Variants in COLEC10 observed in about 807,000 individuals in gnomAD.
The protein encoded by COLEC10 is collectin subfamily member 10.
COLEC10 carries 22 observed loss-of-function variants against 28.4 expected under a neutral mutation model. The ratio of observed to expected loss-of-function variants is 0.78; its 90% CI spans 0.55 to 1.11. COLEC10 has a LOEUF of 1.11. Ranked by LOEUF, COLEC10 falls within the 50% of genes least tolerant of loss-of-function variation. The probability of loss-of-function intolerance (pLI) is 0.00; values close to 1 mark genes in which losing one functional copy is unlikely to be tolerated. For synonymous variants in COLEC10, 125 were observed against 116.1 expected (o/e 1.08, Z -0.49); for missense variants, 361 against 344.1 (o/e 1.05, Z -0.39).
the COLEC10 span, among the ~76,000 whole-genome samples, chr8:118,969,336 C>G: frequency 6.6e-6 from 1 of 151,958 alleles, no homozygotes; most frequent in Non-Finnish European, 1.5e-5. Flanking sequence ...ATGTGTGATA[C>G]TATTGCAGCA....
At chr8:119,006,635 G>C (rs1813803974) in intron 1 of COLEC10, among the ~76,000 whole-genome samples, 1 of 152,006 alleles carries the variant, frequency 6.6e-6, no homozygotes, top group Non-Finnish European at 1.5e-5. Flanking sequence ...CCTGGGCCCT[G>C]TCTGGATCTT....
At chr8:118,983,906 C>A in the COLEC10 span, among the ~76,000 whole-genome samples, 5 of 152,224 alleles carry the variant, frequency 3.3e-5, no homozygotes, top group East Asian at 9.7e-4. Flanking sequence ...TTAGTTCAGC[C>A]ATTGTGGAAA....
chr8:119,083,786 T>G (rs924741470), intron 1 of COLEC10, among the ~76,000 whole-genome samples: 24 of 152,084 alleles, frequency 1.6e-4, no homozygotes, highest in African/African-American at 5.1e-4. Flanking sequence ...AATTAAATAA[T>G]TTATTAAATT....
intron 3 of COLEC10, among the ~76,000 whole-genome samples, chr8:119,100,440 C>T (rs1815800860): frequency 6.6e-6 from 1 of 152,144 alleles, no homozygotes; most frequent in Non-Finnish European, 1.5e-5. Flanking sequence ...ATGAATATCT[C>T]AAAATCTATT....
upstream of COLEC10, among the ~76,000 whole-genome samples, chr8:119,064,460 T>G (rs1159389306): frequency 1.3e-5 from 2 of 152,200 alleles, no homozygotes. Context: ...CTTAGGGTAG[T>G]CTAAACAATT....
intron 1 of COLEC10, among the ~76,000 whole-genome samples, chr8:119,008,249 TA>T (rs1288276114): frequency 6.6e-6 from 1 of 150,766 alleles, no homozygotes; most frequent in Non-Finnish European, 1.5e-5. Flanking sequence ...TTGTAAGCAG[TA>T]AGTGAAAAGG....
chr8:118,966,504 T>A, the COLEC10 span, among the ~76,000 whole-genome samples: 1 of 152,140 alleles, frequency 6.6e-6, no homozygotes, highest in Non-Finnish European at 1.5e-5. Context: ...TCAGTAACAG[T>A]ATGAACTTGT....
rs35398753 is a variant in COLEC10, at chr8:119,108,037, A to G, written c.*1846A>G. On this transcript the variant is annotated 3_prime_UTR_variant, in exon 6 of 6. Transcript: ENST00000332843. ...AATGTCATTAGGATATGATGACATG[A>G]AAGTCAAGATATCCCATTAATACCA... Among the ~76,000 whole-genome samples, 15,752 of 152,222 alleles carry G rather than the reference A, an allele frequency of 0.1. 978 individuals are homozygous for G. The highest frequency in any genetic ancestry group is 0.19 in the Middle Eastern group (55 of 292).
the COLEC10 span, among the ~76,000 whole-genome samples, chr8:118,955,008 C>G: frequency 5.3e-5 from 8 of 152,116 alleles, no homozygotes; most frequent in Non-Finnish European, 1.0e-4. Flanking sequence ...ACTTCCTCAC[C>G]TGAAAATTGG....
intron 2 of COLEC10, among the ~76,000 whole-genome samples, chr8:119,011,340 G>T (rs1813897384): frequency 6.6e-6 from 1 of 150,784 alleles, no homozygotes; most frequent in Non-Finnish European, 1.5e-5. Flanking sequence ...CGATCTATTT[G>T]TCTATTCTTT....
chr8:119,069,203 C>T (rs530368614), intron 1 of COLEC10, among the ~76,000 whole-genome samples: 19 of 152,062 alleles, frequency 1.2e-4, no homozygotes, highest in South Asian at 4.2e-4. Context: ...CCTAAATGCA[C>T]CTAAAGCAAC....
chr8:119,057,988 T>C (rs1331576353), intron 2 of COLEC10, among the ~76,000 whole-genome samples: 1 of 152,072 alleles, frequency 6.6e-6, no homozygotes, highest in Non-Finnish European at 1.5e-5. Flanking sequence ...GTTGTATCTA[T>C]ATTAATATTT....
rs1815422464 is a variant in COLEC10 at position 119,084,153 on chromosome 8, G to A, written c.149-5527G>A. Reference sequence around the variant, plus strand: ...AAGTAGTATGGGTCTCAGAGTGAGGGAGCCACCCCCAGGATGGGAGACTCT... The same window carrying A: ...AAGTAGTATGGGTCTCAGAGTGAGGAAGCCACCCCCAGGATGGGAGACTCT... On this transcript the variant is annotated intron_variant, in intron 1 of 5. Transcript: ENST00000332843. Among the ~76,000 whole-genome samples the A allele has an allele frequency of 2.0e-5, 3 of 152,260 alleles. No homozygotes were observed. The South Asian group carries it at 6.2e-4, about 32-fold the overall frequency.
chr8:119,033,718 A>G (rs1457107839), intron 2 of COLEC10, among the ~76,000 whole-genome samples: 1 of 152,218 alleles, frequency 6.6e-6, no homozygotes, highest in African/African-American at 2.4e-5. Context: ...TAGAATGGTG[A>G]TCATTTAAAA....
At chr8:119,032,763 G>T (rs1353554077) in intron 2 of COLEC10, among the ~76,000 whole-genome samples, 1 of 152,138 alleles carries the variant, frequency 6.6e-6, no homozygotes, top group Non-Finnish European at 1.5e-5. Flanking sequence ...TTAGCCAGCC[G>T]TGCTGGCGGG....
chr8:119,035,912 G>T (rs1391910834), intron 2 of COLEC10, among the ~76,000 whole-genome samples: 3 of 152,082 alleles, frequency 2.0e-5, no homozygotes, highest in African/African-American at 7.2e-5. Context: ...AAGTTATGCT[G>T]TTTAAGGTAC....
At chr8:118,998,846 C>CTAA (rs1813638185) in intron 1 of COLEC10, among the ~76,000 whole-genome samples, 1 of 76,644 alleles carries the variant, frequency 1.3e-5, no homozygotes, top group Admixed American at 1.6e-4. Flanking sequence ...GACTCCGTCT[C>CTAA]AAAAAAAAAA....
intron 2 of COLEC10, among the ~76,000 whole-genome samples, chr8:119,035,776 C>T (rs991365981): frequency 2.0e-5 from 3 of 152,092 alleles, no homozygotes; most frequent in East Asian, 1.9e-4. Context: ...TAATAAGAAA[C>T]AAGCAGCGGT....
At chr8:118,985,300 T>C in the COLEC10 span, among the ~76,000 whole-genome samples, 8 of 152,192 alleles carry the variant, frequency 5.3e-5, no homozygotes, top group East Asian at 1.4e-3. Context: ...TAAAAAAAAA[T>C]TGGTAAGGAG....
Sources: gnomAD v4.1 joint callset for allele counts (sites outside exome capture counted in the v4.1 genomes callset) on GRCh38, gnomAD v4.1.1 for gene constraint, MANE v1.5 for transcripts, NCBI Gene and HGNC (gene_info 2026-07-23, HGNC 2026-07-21) for gene names.